LRBA: variants seen among roughly 807,000 people sequenced by gnomAD.
LRBA encodes the protein lipopolysaccharide-responsive and beige-like anchor protein.
A neutral mutation model predicts 330.0 loss-of-function variants in LRBA; 176 were observed. The observed-to-expected ratio is 0.53, with a 90% CI of 0.47 to 0.60. LRBA has a LOEUF of 0.60. LRBA is among the 20% of genes least tolerant of loss of function. The pLI, the probability that LRBA is intolerant of heterozygous loss-of-function variation, is 0.00. For synonymous variants in LRBA, 1,230 were observed against 1,193.0 expected, an observed-to-expected ratio of 1.03 and a Z score of -0.64; for missense variants, 3,259 against 3,444.8, an observed-to-expected ratio of 0.95 and a Z score of 1.35.
rs186564340 is a variant in LRBA at position 150,652,201 on chromosome 4, A to G, written c.5921+31350T>C. ...CCTTAATACATAAAGGAAACAACCA[A>G]TATTCAGTTTCCCTCAATGTTTCTC... On this transcript the variant is annotated intron_variant, in intron 37 of 56. Coordinates refer to ENST00000651943, the MANE Select transcript of LRBA (RefSeq NM_001364905.1). Among the ~76,000 whole-genome samples, 11 of 152,086 alleles carry G rather than the reference A, an allele frequency of 7.2e-5. No homozygotes were observed. In the East Asian group the frequency reaches 2.1e-3, roughly 29 times the overall value.
chr4:150,923,862 T>C (rs1733598173), intron 4 of LRBA, among the ~76,000 whole-genome samples: 1 of 152,212 alleles, frequency 6.6e-6, no homozygotes, highest in Non-Finnish European at 1.5e-5. Context: ...AAATTATAAT[T>C]ACTACCTGTG....
intron 35 of LRBA, among the ~76,000 whole-genome samples, chr4:150,738,023 G>A (rs1463544095): frequency 1.6e-5 from 2 of 122,706 alleles, no homozygotes; most frequent in Middle Eastern, 6.4e-3. Flanking sequence ...ACGAAGTTTC[G>A]CTCTGTCGCC....
chr4:150,453,758 G>C (rs188701074), intron 44 of LRBA, among the ~76,000 whole-genome samples: 2 of 152,210 alleles, frequency 1.3e-5, no homozygotes, highest in Admixed American at 6.5e-5. Flanking sequence ...AGAGCTCACA[G>C]GTTGGGAACA....
intron 36 of LRBA, among the ~76,000 whole-genome samples, chr4:150,699,012 T>C (rs914052144): frequency 4.6e-5 from 7 of 152,142 alleles, no homozygotes; most frequent in African/African-American, 7.2e-5. Flanking sequence ...CTACAACATA[T>C]ATGATAAATT....
Position 150,419,904 on chromosome 4 carries a change from C to T in LRBA, c.7042-4314G>A, listed in dbSNP as rs542729840. 5.3e-4 allele frequency among the ~76,000 whole-genome samples: 79 copies of T among 150,190 alleles called. No homozygotes were observed. The South Asian group carries it at 0.016, about 31-fold the overall frequency. On this transcript the variant is annotated intron_variant, in intron 46 of 56. Coordinates refer to ENST00000651943, the MANE Select transcript of LRBA (RefSeq NM_001364905.1). ...CTGCCTGCCTCGGCCTCCCAAAGTG[C>T]TGGGATTACAGGAATGAGCCACCAA...
At chr4:150,512,535 A>G (rs1339334009) in intron 40 of LRBA, among the ~76,000 whole-genome samples, 3 of 152,080 alleles carry the variant, frequency 2.0e-5, no homozygotes, top group African/African-American at 4.8e-5. Flanking sequence ...CCCTCTTTCC[A>G]CCAGGTAAGG....
intron 40 of LRBA, among the ~76,000 whole-genome samples, chr4:150,571,389 T>C (rs1769817584): frequency 6.6e-6 from 1 of 152,070 alleles, no homozygotes; most frequent in Admixed American, 6.6e-5. Flanking sequence ...TATTGCTTTA[T>C]TGCTTTAAGA....
At position 150,350,132 on chromosome 4, in the gene LRBA, G is replaced by T. The variant is rs759415527; in HGVS notation, c.7222C>A (p.Gln2408Lys). 2 of 1,590,266 alleles carry T rather than the reference G, an allele frequency of 1.3e-6. No homozygotes were observed. Among genetic ancestry groups the T allele is most frequent in the Middle Eastern group, 1.7e-4 (1 of 5,916 alleles). Residue 2408 changes from glutamine (Q) to lysine (K), a missense_variant, in exon 48 of 57, where the codon CAG becomes AAG. By Grantham distance (53) the Gln-to-Lys change is moderately conservative (BLOSUM62 1). Transcript: ENST00000651943. ...ATGAGATCAATCCATTGGTGAAGCT[G>T]GCAGGAAACAAATTCACTCTCCAGG... is the stretch of plus-strand genomic sequence containing the variant. The part of the protein sequence containing the change: ...LALESEFVSC[Q>K]LHQWIDLIFG...
At chr4:150,738,514 T>C (rs1203535729) in intron 35 of LRBA, among the ~76,000 whole-genome samples, 1 of 152,254 alleles carries the variant, frequency 6.6e-6, no homozygotes, top group East Asian at 1.9e-4. Context: ...ATAAGATTGA[T>C]ACAAGTCAAG....
intron 46 of LRBA, among the ~76,000 whole-genome samples, chr4:150,433,056 G>GTTTC (rs1186214162): frequency 6.6e-6 from 1 of 152,062 alleles, no homozygotes; most frequent in African/African-American, 2.4e-5. Flanking sequence ...ACACATTGGT[G>GTTTC]GAAAAATATC....
intron 53 of LRBA, among the ~76,000 whole-genome samples, chr4:150,286,259 A>G (rs1404819489): frequency 6.6e-6 from 1 of 152,242 alleles, no homozygotes; most frequent in Non-Finnish European, 1.5e-5. Flanking sequence ...TCAAGCAACA[A>G]TGGTTGAAAA....
chr4:150,738,887 A>G (rs1034408167), intron 35 of LRBA, among the ~76,000 whole-genome samples: 3 of 152,118 alleles, frequency 2.0e-5, no homozygotes, highest in Admixed American at 2.0e-4. Flanking sequence ...TGGAGCAAAT[A>G]TAAAGGACAT....
chr4:150,345,956 C>T (rs916918916), intron 48 of LRBA, among the ~76,000 whole-genome samples: 7 of 152,158 alleles, frequency 4.6e-5, no homozygotes, highest in Admixed American at 4.6e-4. Context: ...TATAGGTGTA[C>T]ACCACCACAC....
chr4:150,341,592 A>T (rs1408640964), intron 48 of LRBA, among the ~76,000 whole-genome samples: 2 of 151,960 alleles, frequency 1.3e-5, no homozygotes, highest in African/African-American at 2.4e-5. Context: ...CTTTTGCTTC[A>T]CTGACTTAAC....
chr4:150,302,521 G>A (rs1419893795), intron 53 of LRBA, 104 bp downstream of exon 53: 1 of 602,342 alleles, frequency 1.7e-6, no homozygotes, highest in Non-Finnish European at 2.7e-6. Context: ...AAAAATACTT[G>A]ATAATCCTGT....
At chr4:150,626,805 T>C (rs901354720) in intron 37 of LRBA, among the ~76,000 whole-genome samples, 11 of 152,142 alleles carry the variant, frequency 7.2e-5, no homozygotes, top group African/African-American at 2.7e-4. Flanking sequence ...CAAGAAAACC[T>C]TAATTCCGTA....
chr4:150,707,316 G>C (rs1007563082), intron 36 of LRBA, among the ~76,000 whole-genome samples: 12 of 151,686 alleles, frequency 7.9e-5, no homozygotes, highest in African/African-American at 2.6e-4. Context: ...AGATAAGGTA[G>C]ACATGAGATT....
intron 40 of LRBA, among the ~76,000 whole-genome samples, chr4:150,511,445 A>G (rs1020184106): frequency 3.3e-5 from 5 of 152,168 alleles, no homozygotes; most frequent in Non-Finnish European, 7.4e-5. Context: ...CATATCTTAT[A>G]TTCTAAACAT....
chr4:150,949,761 G>A (rs1304354557), intron 2 of LRBA, among the ~76,000 whole-genome samples: 1 of 11,246 alleles, frequency 8.9e-5, no homozygotes, highest in Non-Finnish European at 6.7e-3. Context: ...TAAGCGGCAA[G>A]GAAACTCGTA....
Sources: allele counts gnomAD v4.1 joint callset (sites outside exome capture counted in the v4.1 genomes callset), GRCh38; gene constraint gnomAD v4.1.1; transcripts MANE v1.5; gene names NCBI Gene and HGNC (gene_info 2026-07-23, HGNC 2026-07-21).